ZNF211: variants seen among roughly 807,000 people sequenced by gnomAD.
The protein encoded by ZNF211 is zinc finger protein 211.
ZNF211 carries 18 observed loss-of-function variants against 12.1 expected under a neutral mutation model. The observed-to-expected ratio is 1.48, with a 90% CI of 1.03 to 2.20. ZNF211 has a LOEUF of 2.20. ZNF211 is among the 30% of genes most tolerant of loss of function. The pLI is 0.00. For missense variants in ZNF211, 677 were observed against 703.1 expected, an observed-to-expected ratio of 0.96 and a Z score of 0.42; for synonymous variants, 249 against 246.0, an observed-to-expected ratio of 1.01 and a Z score of -0.11.
rs1982960512 is a variant in ZNF211, at chr19:57,641,621, A to G, written c.1174A>G (p.Ser392Gly). Residue 392 changes from serine to glycine, a missense_variant, in exon 4 of 4, where the codon AGC becomes GGC. Ser to Gly is a moderately conservative substitution (Grantham distance 56). Transcript: ENST00000240731. Reference sequence around the variant, plus strand: ...ATGCAGCGAATGTGGGAAATCTTTTAGCCAAAACTTTAGCCTGATCTACCA... The same window carrying G: ...ATGCAGCGAATGTGGGAAATCTTTTGGCCAAAACTTTAGCCTGATCTACCA... ...YECSECGKSF[S>G]QNFSLIYHQR... 1 of 1,613,362 alleles carries G rather than the reference A, an allele frequency of 6.2e-7. No homozygotes were observed. Among genetic ancestry groups the G allele is most frequent in the African/African-American group, 1.3e-5 (1 of 75,012 alleles).
At position 57,642,313 on chromosome 19, in the gene ZNF211, A is replaced by G; in HGVS notation, c.*132A>G. On this transcript the variant is annotated 3_prime_UTR_variant, in exon 4 of 4. Coordinates refer to ENST00000240731, the MANE Select transcript of ZNF211 (RefSeq NM_006385.5). The stretch of plus-strand genomic sequence containing the variant: ...AGTGGGCGGATTCCCCTTAAGTTCC[A>G]GGTATGTGTTACACTTTCTAACATG... 1 of 1,023,092 alleles carries G rather than the reference A, an allele frequency of 9.8e-7. No individual in the cohort carries two copies. The highest frequency in any genetic ancestry group is 1.4e-6 in the Non-Finnish European group (1 of 709,528). 63.4% of individuals were successfully genotyped at this position (1,023,092 alleles called of 1,614,324 possible).
rs1692144476 is a variant in ZNF211, at chr19:57,642,748, A to G, written c.*567A>G. ...CGTTGCTTTGTTTTTTACAATAATA[A>G]AAGCATTATTATTTAAGCTACCTTT... On this transcript the variant is annotated 3_prime_UTR_variant, in exon 4 of 4. Coordinates refer to ENST00000240731, the MANE Select transcript of ZNF211 (RefSeq NM_006385.5). 6.5e-6 allele frequency: 1 copy of G among 152,944 alleles called. No homozygotes were observed. Among genetic ancestry groups the G allele is most frequent in the Non-Finnish European group, 1.5e-5 (1 of 68,656 alleles). The allele number at this position is 152,944 out of a possible 1,614,324, so 9.5% of individuals were successfully genotyped here.
Position 57,641,514 on chromosome 19 carries a change from G to A in ZNF211, c.1067G>A (p.Cys356Tyr), listed in dbSNP as rs1982936089. 1 of 1,614,218 alleles carries A rather than the reference G, an allele frequency of 6.2e-7. No homozygotes were observed. The highest frequency in any genetic ancestry group is 8.5e-7 in the Non-Finnish European group (1 of 1,180,048). Residue 356 changes from cysteine to tyrosine, a missense_variant, in exon 4 of 4, where the codon TGT becomes TAT. Cys to Tyr is a radical substitution (Grantham distance 194). Transcript: ENST00000240731. ...KVHTGERPYE[C>Y]GECGKSFSQR... ...CACACTGGAGAAAGGCCTTATGAAT[G>A]TGGGGAATGTGGGAAATCTTTTAGC...
intron 3 of ZNF211, among the ~76,000 whole-genome samples, chr19:57,638,761 T>G (rs1051522287): frequency 1.3e-5 from 2 of 152,178 alleles, no homozygotes; most frequent in Non-Finnish European, 2.9e-5. Flanking sequence ...TTTTCTCTCT[T>G]CTCTCTGATT....
chr19:57,639,899 G>T, intron 3 of ZNF211: 1 of 1,530,702 alleles, frequency 6.5e-7, no homozygotes, highest in South Asian at 1.2e-5. Context: ...CACATGTCCT[G>T]TCTTTCCCTT....
chr19:57,633,555 C>T lies in ZNF211; in HGVS notation c.90+119C>T, dbSNP rs896737244. ...ACACTGAGGCTCGTGGGTGGGGCCC[C>T]TATTTCTGACATCCGATGTGGTGGG... On this transcript the variant is annotated intron_variant, in intron 1 of 3. Transcript: ENST00000240731. The T allele has an allele frequency of 2.5e-5, 37 of 1,498,168 alleles. No individual in the cohort carries two copies. The East Asian group carries it at 5.9e-4, about 24-fold the overall frequency. The allele number at this position is 1,498,168 out of a possible 1,614,324, so 92.8% of individuals were successfully genotyped here.
rs1427117993 is a variant in ZNF211 at position 57,643,922 on chromosome 19, C to A, written c.*1741C>A. ...TTCAATGGAGCTTATATGTGGTGGT[C>A]ATTCTTTTTATTGCTGAGTGGTATA... On this transcript the variant is annotated 3_prime_UTR_variant, in exon 4 of 4. Transcript: ENST00000240731. Among the ~76,000 whole-genome samples, 1 of 151,978 alleles carries A rather than the reference C, an allele frequency of 6.6e-6. No homozygotes were observed. Among genetic ancestry groups the A allele is most frequent in the African/African-American group, 2.4e-5 (1 of 41,372 alleles).
chr19:57,639,841 T>G, intron 3 of ZNF211: 1 of 1,413,772 alleles, frequency 7.1e-7, no homozygotes, highest in Non-Finnish European at 9.3e-7. Context: ...TCTTTAACTT[T>G]CCTTGTTCTT....
Sources: allele counts gnomAD v4.1 joint callset (sites outside exome capture counted in the v4.1 genomes callset), GRCh38; gene constraint gnomAD v4.1.1; transcripts MANE v1.5; gene names NCBI Gene and HGNC (gene_info 2026-07-23, HGNC 2026-07-21).